ARHGAP32: variants seen among roughly 807,000 people sequenced by gnomAD.
ARHGAP32 encodes the protein rho GTPase-activating protein 32.
Under a neutral mutation model 186.5 loss-of-function variants are expected in ARHGAP32, and 51 were observed. The ratio of observed to expected loss-of-function variants is 0.27; its 90% CI spans 0.22 to 0.35. ARHGAP32 has a LOEUF of 0.35. Among genes scored for constraint, ARHGAP32 ranks in the 10% least tolerant of loss-of-function variants. ARHGAP32 has a pLI of 1.00. For synonymous variants in ARHGAP32, 950 were observed against 964.3 expected, an observed-to-expected ratio of 0.99 and a Z score of 0.27; for missense variants, 2,186 against 2,623.5, an observed-to-expected ratio of 0.83 and a Z score of 3.64.
chr11:128,986,434 T>C (rs1945874053), intron 14 of ARHGAP32, 90 bp downstream of exon 14: 2 of 1,398,022 alleles, frequency 1.4e-6, no homozygotes, highest in Non-Finnish European at 2.0e-6. Context: ...AACTATTTCT[T>C]ACATGTGACC....
In ARHGAP32 at chr11:129,071,651, T is replaced by C. The variant is rs1305354525; in HGVS notation, c.532-4783A>G. 2.0e-5 allele frequency among the ~76,000 whole-genome samples: 3 copies of C among 152,264 alleles called. No homozygotes were observed. In the East Asian group the frequency reaches 5.8e-4, roughly 29 times the overall value. On this transcript the variant is annotated intron_variant, in intron 6 of 22. Coordinates refer to ENST00000682385, the MANE Select transcript of ARHGAP32 (RefSeq NM_001378024.1). Reference sequence around the variant, plus strand: ...GGTACAGCCATTTTGGAAAACTATATGGAGGTTCCTCAAAAAACTAAAAAT... The same window carrying C: ...GGTACAGCCATTTTGGAAAACTATACGGAGGTTCCTCAAAAAACTAAAAAT...
intron 1 of ARHGAP32, among the ~76,000 whole-genome samples, chr11:129,233,242 T>C (rs1944882814): frequency 6.6e-6 from 1 of 152,154 alleles, no homozygotes; most frequent in Non-Finnish European, 1.5e-5. Flanking sequence ...GAAATAATCA[T>C]GGGTGGTAGG....
At chr11:129,067,524 T>A (rs1329678723) in intron 6 of ARHGAP32, among the ~76,000 whole-genome samples, 1 of 152,022 alleles carries the variant, frequency 6.6e-6, no homozygotes, top group African/African-American at 2.4e-5. Context: ...AGAACCATCA[T>A]CATTTCTTAC....
chr11:129,252,356 A>G (rs2135693331), intron 1 of ARHGAP32, among the ~76,000 whole-genome samples: 1 of 152,326 alleles, frequency 6.6e-6, no homozygotes, highest in South Asian at 2.1e-4. Context: ...TGTTTTCAGG[A>G]CAATGGGTAT....
intron 15 of ARHGAP32, 147 bp downstream of exon 15, chr11:128,985,856 G>GTATA (rs1234875074): frequency 0.011 from 1,172 of 111,034 alleles, 13 homozygotes; most frequent in Non-Finnish European, 0.013. Context: ...GTGTGTGTGT[G>GTATA]TGTATATATA....
intron 6 of ARHGAP32, among the ~76,000 whole-genome samples, chr11:129,082,268 T>C (rs745706221): frequency 1.3e-5 from 2 of 151,982 alleles, no homozygotes; most frequent in Non-Finnish European, 2.9e-5. Context: ...AAAATTCATA[T>C]GGAACCAAAA....
At chr11:129,247,926 A>G (rs1220736969) in intron 1 of ARHGAP32, among the ~76,000 whole-genome samples, 1 of 152,158 alleles carries the variant, frequency 6.6e-6, no homozygotes, top group Non-Finnish European at 1.5e-5. Context: ...AATAAACTCT[A>G]AATTTATGCA....
At chr11:129,270,895 G>T (rs186009866) in intron 1 of ARHGAP32, among the ~76,000 whole-genome samples, 93 of 152,146 alleles carry the variant, frequency 6.1e-4, no homozygotes, top group Admixed American at 2.6e-3. Flanking sequence ...GTGCATTACT[G>T]GATGTTGGAT....
intron 1 of ARHGAP32, among the ~76,000 whole-genome samples, chr11:129,215,957 C>T (rs1944639169): frequency 6.6e-6 from 1 of 152,018 alleles, no homozygotes; most frequent in Non-Finnish European, 1.5e-5. Flanking sequence ...TAGAGAGAGG[C>T]AGAGGGGGTC....
At position 128,970,429 on chromosome 11, in the gene ARHGAP32, C is replaced by T. The variant is rs765797475; in HGVS notation, c.4784G>A (p.Arg1595Gln). The T allele has an allele frequency of 1.4e-5, 23 of 1,613,958 alleles. No individual in the cohort carries two copies. Among genetic ancestry groups the T allele is most frequent in the East Asian group, 2.2e-5 (1 of 44,888 alleles). The change falls in exon 23 of 23, where the codon CGG becomes CAG. Residue 1595 changes from arginine to glutamine, a missense_variant. Physicochemically the swap from Arg to Gln is conservative, Grantham distance 43. Transcript: ENST00000682385. This position sits in a 1 kb window ranked among gnomAD's most constrained non-coding sequence, Gnocchi z 5.8. ...CGGAGCATGGAGAGACTGCACTCTC[C>T]GGATGGTAGGGTACGGTGGAATGTC... is the stretch of plus-strand genomic sequence containing the variant. ...PEDIPPYPTI[R>Q]RVQSLHAPPS...
intron 11 of ARHGAP32, among the ~76,000 whole-genome samples, chr11:129,013,060 G>A (rs1938161584): frequency 1.3e-5 from 2 of 152,180 alleles, no homozygotes; most frequent in Non-Finnish European, 2.9e-5. Context: ...TTTAGATCAG[G>A]AACAAGGAAA....
At chr11:129,032,541 G>A (rs980927785) in intron 11 of ARHGAP32, among the ~76,000 whole-genome samples, 3 of 152,234 alleles carry the variant, frequency 2.0e-5, no homozygotes, top group Middle Eastern at 3.4e-3. Flanking sequence ...ACTGTTCTGT[G>A]ATTTGCCTTT....
chr11:129,103,671 T>G (rs1188088629), intron 5 of ARHGAP32, among the ~76,000 whole-genome samples: 1 of 151,628 alleles, frequency 6.6e-6, no homozygotes, highest in African/African-American at 2.4e-5. Context: ...TGACTCATGG[T>G]GGAAAAGTAT....
In ARHGAP32 at chr11:129,159,342, T is replaced by C. The variant is rs184388945; in HGVS notation, c.225+4977A>G. Among the ~76,000 whole-genome samples, 282 of 151,852 alleles carry C rather than the reference T, an allele frequency of 1.9e-3. 1 individual carries two copies. Among genetic ancestry groups the C allele is most frequent in the African/African-American group, 6.5e-3 (270 of 41,402 alleles). On this transcript the variant is annotated intron_variant, in intron 2 of 22. Coordinates refer to ENST00000682385, the MANE Select transcript of ARHGAP32 (RefSeq NM_001378024.1). ...AAGAAGAAAAGAGAGAAGAATAAAA[T>C]AGACACAATAAAAAATGATGAAGGG...
intron 2 of ARHGAP32, among the ~76,000 whole-genome samples, chr11:129,136,655 G>C (rs1203149830): frequency 6.6e-6 from 1 of 152,046 alleles, no homozygotes; most frequent in Non-Finnish European, 1.5e-5. Context: ...TACATCATAA[G>C]TGAATTAAAT....
At chr11:129,254,451 G>A (rs1945228462) in intron 1 of ARHGAP32, among the ~76,000 whole-genome samples, 1 of 151,952 alleles carries the variant, frequency 6.6e-6, no homozygotes, top group Non-Finnish European at 1.5e-5. Flanking sequence ...GGTCACTTTT[G>A]AAGATAAATA....
At chr11:129,206,591 T>G (rs1046649315) in intron 1 of ARHGAP32, among the ~76,000 whole-genome samples, 3 of 152,140 alleles carry the variant, frequency 2.0e-5, no homozygotes, top group African/African-American at 7.2e-5. Flanking sequence ...AATAAGTCTC[T>G]TAAGTCTCTT....
chr11:129,007,868 G>A (rs1182910295), intron 11 of ARHGAP32, among the ~76,000 whole-genome samples: 1 of 152,180 alleles, frequency 6.6e-6, no homozygotes, highest in Admixed American at 6.5e-5. Flanking sequence ...AGCTTGCAGT[G>A]GTGAGGCTTG....
intron 2 of ARHGAP32, among the ~76,000 whole-genome samples, chr11:129,131,685 G>A (rs1261093529): frequency 2.0e-5 from 3 of 152,016 alleles, no homozygotes; most frequent in Non-Finnish European, 4.4e-5. Flanking sequence ...CTCCAACTTT[G>A]GGAATTATAA....
Sources: gnomAD v4.1 joint callset for allele counts (sites outside exome capture counted in the v4.1 genomes callset) on GRCh38, gnomAD v4.1.1 for gene constraint, Gnocchi (gnomAD v3.1) non-coding constraint, MANE v1.5 for transcripts, NCBI Gene and HGNC (gene_info 2026-07-23, HGNC 2026-07-21) for gene names.